Variants in RECQL5 observed in about 807,000 individuals in gnomAD.
RECQL5 encodes the protein RecQ like helicase 5, also known as ATP-dependent DNA helicase Q5.
Under a neutral mutation model 103.4 loss-of-function variants are expected in RECQL5, and 88 were observed. That is an observed-to-expected ratio of 0.85 (90% confidence interval 0.72 to 1.02). RECQL5 has a LOEUF of 1.02. Among genes scored for constraint, RECQL5 ranks in the 50% least tolerant of loss-of-function variants. The pLI is 0.00. For synonymous variants in RECQL5, 552 were observed against 507.9 expected (o/e 1.09, Z -1.17); for missense variants, 1,232 against 1,284.3 (o/e 0.96, Z 0.62).
In RECQL5 at chr17:75,627,204, G is replaced by C; in HGVS notation, c.*218C>G. On this transcript the variant is annotated 3_prime_UTR_variant, in exon 20 of 20. Coordinates refer to ENST00000317905, the MANE Select transcript of RECQL5 (RefSeq NM_004259.7). The stretch of plus-strand genomic sequence containing the variant: ...CCCAGAAAACCCAGCCATGAGGACC[G>C]CTCTGAGAAGGGTCTATAGGCTTTG... 1 of 658,548 alleles carries C rather than the reference G, an allele frequency of 1.5e-6. No homozygotes were observed. The highest frequency in any genetic ancestry group is 2.8e-6 in the Non-Finnish European group (1 of 357,662). 40.8% of individuals were successfully genotyped at this position (658,548 alleles called of 1,614,324 possible). A position where few individuals can be genotyped will look rare whatever the true frequency, so the allele number is the denominator to read the frequency against.
intron 4 of RECQL5, 81 bp downstream of exon 4, chr17:75,662,398 A>C: frequency 1.7e-5 from 24 of 1,437,532 alleles, no homozygotes; most frequent in Non-Finnish European, 2.3e-5. Context: ...GAAAAACCAA[A>C]GGTCTTAGAC....
chr17:75,630,852 G>A lies in RECQL5; in HGVS notation c.1586-15C>T. The A allele has an allele frequency of 2.8e-6, 4 of 1,433,556 alleles. No individual in the cohort carries two copies. Among genetic ancestry groups the A allele is most frequent in the African/African-American group, 1.5e-5 (1 of 66,898 alleles). 88.8% of individuals were successfully genotyped at this position (1,433,556 alleles called of 1,614,324 possible). A position where few individuals can be genotyped will look rare whatever the true frequency, so the allele number is the denominator to read the frequency against. Reference sequence around the variant, plus strand: ...ACAGTTCTCATCTGTGGGGGGGGGGGGTGGTCCTTGGTCCTTTCGCTCCAC... The same window carrying A: ...ACAGTTCTCATCTGTGGGGGGGGGGAGTGGTCCTTGGTCCTTTCGCTCCAC... On this transcript the variant is annotated splice_polypyrimidine_tract_variant and intron_variant, in intron 11 of 19. Coordinates refer to ENST00000317905, the MANE Select transcript of RECQL5 (RefSeq NM_004259.7).
intron 13 of RECQL5, 93 bp downstream of exon 13, chr17:75,630,526 G>A: frequency 3.8e-6 from 5 of 1,329,506 alleles, no homozygotes; most frequent in Non-Finnish European, 5.4e-6. Context: ...CTGGGGAGAG[G>A]TGGCCCAAAC....
Position 75,627,467 on chromosome 17 carries a change from G to A in RECQL5, c.2931C>T (p.Cys977=), listed in dbSNP as rs752006453. The stretch of plus-strand genomic sequence containing the variant: ...GGCCATGCCAGTCAGCTTCGCTCTC[G>A]CACCGGGCCCGGCCATGGAAGAAGT... ...IRHFFHGRAR[C]ESEADWHGLC... Residue 977 remains cysteine (C), a synonymous_variant, in exon 20 of 20, where the codon TGC becomes TGT. Transcript: ENST00000317905. The A allele has an allele frequency of 2.5e-5, 41 of 1,613,618 alleles. No individual in the cohort carries two copies. Among genetic ancestry groups the A allele is most frequent in the East Asian group, 8.9e-5 (4 of 44,882 alleles).
At position 75,641,654 on chromosome 17, in the gene RECQL5, C is replaced by G. The variant is rs181671300; in HGVS notation, c.1229+9532G>C. ...GCACTACTCTGCAGAGTGGCAGAGA[C>G]TGTGTTTGCCCAAAGGCAGGAGCTA... On this transcript the variant is annotated intron_variant, in intron 8 of 19. Transcript: ENST00000317905. Among the ~76,000 whole-genome samples the G allele has an allele frequency of 3.8e-3, 583 of 152,356 alleles. 11 individuals carry two copies. Among genetic ancestry groups the G allele is most frequent in the Admixed American group, 0.03 (462 of 15,302 alleles).
At chr17:75,629,680 G>T (rs2059170080) in intron 15 of RECQL5, 28 bp downstream of exon 15, 6 of 1,589,252 alleles carry the variant, frequency 3.8e-6, no homozygotes, top group Non-Finnish European at 5.2e-6. Context: ...CTGGTCACAG[G>T]TCTGGAGGCC....
chr17:75,654,236 ATGT>A (rs1227880087), intron 7 of RECQL5, among the ~76,000 whole-genome samples: 3 of 152,178 alleles, frequency 2.0e-5, no homozygotes, highest in Non-Finnish European at 4.4e-5. Context: ...AGATTTCAGT[ATGT>A]TATTAATTCA....
At chr17:75,635,345 G>T (rs2059299894) in intron 8 of RECQL5, among the ~76,000 whole-genome samples, 1 of 152,178 alleles carries the variant, frequency 6.6e-6, no homozygotes, top group Non-Finnish European at 1.5e-5. Flanking sequence ...CCCCAGGCAG[G>T]CAGGTGGGGA....
rs757413211 is a variant in RECQL5, at chr17:75,629,169, G to A, written c.2254C>T (p.Leu752Phe). The change falls in exon 16 of 20, where the codon CTC becomes TTC. Residue 752 changes from leucine (L) to phenylalanine (F), a missense_variant. By Grantham distance (22) the Leu-to-Phe change is conservative. Coordinates refer to ENST00000317905, the MANE Select transcript of RECQL5 (RefSeq NM_004259.7). ...TCCTTGTGGGCCGCTGTGGCTAGGA[G>A]CTGCTGTTTCTTGCTAGCCCGGCCC... Reference protein sequence around the residue: ...AKGRASKKQQLLATAAHKDSQ... With the variant: ...AKGRASKKQQFLATAAHKDSQ... The A allele has an allele frequency of 3.1e-6, 5 of 1,613,746 alleles. No individual in the cohort carries two copies. Among genetic ancestry groups the A allele is most frequent in the South Asian group, 1.1e-5 (1 of 91,088 alleles).
intron 7 of RECQL5, among the ~76,000 whole-genome samples, chr17:75,656,990 C>T (rs541270972): frequency 5.3e-5 from 8 of 152,266 alleles, no homozygotes; most frequent in African/African-American, 1.4e-4. Flanking sequence ...GTGATCCACC[C>T]GCCTCGGCCT....
rs2059654814 is a variant in RECQL5, at chr17:75,658,361, AT to A, written c.1085del (p.Tyr362PhefsTer13). 6.2e-7 allele frequency: 1 copy of A among 1,613,844 alleles called. No homozygotes were observed. The highest frequency in any genetic ancestry group is 1.1e-5 in the South Asian group (1 of 91,072). On this transcript the variant is annotated frameshift_variant, in exon 7 of 20. Transcript: ENST00000317905. LOFTEE classifies it high-confidence loss of function. ...RDGKPSWCRL[Y>X]YSRNDRDQVS... ...CTTGGTCCCGGTCATTCCTGGAGTAATAGAGACGGCACCAGGAAGGCTTCCC... is the reference window on the plus strand; with the variant it reads ...CTTGGTCCCGGTCATTCCTGGAGTAAAGAGACGGCACCAGGAAGGCTTCCC...
rs755122127 is a variant in RECQL5, at chr17:75,629,016, T to C, written c.2407A>G (p.Lys803Glu). Residue 803 changes from lysine to glutamate, a missense_variant, in exon 16 of 20, where the codon AAG becomes GAG. Transcript: ENST00000317905. ...GVQGPPMAPE[K>E]YTGEEDGAGG... is the part of the protein sequence containing the mutation. ...GCTCCATCTTCCTCCCCTGTGTACT[T>C]CTCTGGGGCCATCGGGGGTCCCTGA... 6.3e-7 allele frequency: 1 copy of C among 1,582,680 alleles called. No individual in the cohort carries two copies.
chr17:75,630,850 G>T lies in RECQL5; in HGVS notation c.1586-13C>A, dbSNP rs765262518. On this transcript the variant is annotated splice_polypyrimidine_tract_variant and intron_variant, in intron 11 of 19. Transcript: ENST00000317905. ...GGACAGTTCTCATCTGTGGGGGGGG[G>T]GGGTGGTCCTTGGTCCTTTCGCTCC... 1.7e-5 allele frequency: 24 copies of T among 1,453,600 alleles called. No homozygotes were observed. Among genetic ancestry groups the T allele is most frequent in the Admixed American group, 6.4e-5 (3 of 47,082 alleles). 90.0% of individuals were successfully genotyped at this position (1,453,600 alleles called of 1,614,324 possible).
chr17:75,649,982 G>A (rs2059534889), intron 8 of RECQL5: 1 of 985,590 alleles, frequency 1.0e-6, no homozygotes, highest in Non-Finnish European at 1.2e-6. Flanking sequence ...CAGACCCTGG[G>A]GACAGGCAGA....
rs202066423 is a variant in RECQL5, at chr17:75,629,753, C to T, written c.1902G>A (p.Pro634=). 8.0e-5 allele frequency: 129 copies of T among 1,613,576 alleles called. No individual in the cohort carries two copies. Among genetic ancestry groups the T allele is most frequent in the Middle Eastern group, 1.7e-4 (1 of 6,058 alleles). Residue 634 remains proline, a synonymous_variant, in exon 15 of 20, where the codon CCG becomes CCA. Transcript: ENST00000317905. ...AKSCSAQAEP[P]EPNEYDIPPA... ...GTGGAATGTCATACTCATTGGGCTC[C>T]GGGGGCTCAGCTTGGGCACTGCAGC...
chr17:75,627,411 CCAG>C lies in RECQL5; in HGVS notation c.*8_*10del. ...GGGGGAGGACGCGGGCCCTGCCCAG[CCAG>C]CAGTTGGTCATCTCTGGGGGCCACA... On this transcript the variant is annotated 3_prime_UTR_variant, in exon 20 of 20. Transcript: ENST00000317905. 1.2e-6 allele frequency: 2 copies of C among 1,609,690 alleles called. No homozygotes were observed. Among genetic ancestry groups the C allele is most frequent in the Non-Finnish European group, 1.7e-6 (2 of 1,176,850 alleles).
chr17:75,646,720 A>C (rs893941671), intron 8 of RECQL5: 4 of 152,330 alleles, frequency 2.6e-5, no homozygotes, highest in African/African-American at 9.7e-5. Context: ...CCCTCCACAA[A>C]GTGTGAGCCT....
chr17:75,660,785 C>T (rs191459500), intron 6 of RECQL5, among the ~76,000 whole-genome samples, 170 bp downstream of exon 6: 10 of 152,318 alleles, frequency 6.6e-5, no homozygotes, highest in Non-Finnish European at 1.2e-4. Context: ...GGGAGCAGGC[C>T]GCACAGGAGC....
Position 75,666,486 on chromosome 17 carries a change from A to G in RECQL5, c.72T>C (p.Phe24=), listed in dbSNP as rs2059784345. Residue 24 remains phenylalanine, a synonymous_variant, in exon 2 of 20, where the codon TTT becomes TTC. Coordinates refer to ENST00000317905, the MANE Select transcript of RECQL5 (RefSeq NM_004259.7). ...AAGGCGTCTTAAAAGAGTCAAACCCAAAGACCTTCTTCAGCGTACTCCGGA... is the reference window on the plus strand; with the variant it reads ...AAGGCGTCTTAAAAGAGTCAAACCCGAAGACCTTCTTCAGCGTACTCCGGA... The part of the protein sequence containing the change: ...RRVRSTLKKV[F]GFDSFKTPLQ... The G allele has an allele frequency of 6.2e-7, 1 of 1,614,166 alleles. No individual in the cohort carries two copies. The highest frequency in any genetic ancestry group is 8.5e-7 in the Non-Finnish European group (1 of 1,180,036).
Sources: gnomAD v4.1 joint callset for allele counts (sites outside exome capture counted in the v4.1 genomes callset) on GRCh38, gnomAD v4.1.1 for gene constraint, MANE v1.5 for transcripts, NCBI Gene and HGNC (gene_info 2026-07-23, HGNC 2026-07-21) for gene names.